Variants in CERS3 observed in about 807,000 individuals in gnomAD.
The protein encoded by CERS3 is ceramide synthase 3, also known as LAG1 homolog, ceramide synthase 3.
In CERS3, 33 loss-of-function variants were observed where a neutral mutation model predicts 50.3. That is an observed-to-expected ratio of 0.66 (90% CI 0.50 to 0.88). CERS3 has a LOEUF of 0.88. Ranked by LOEUF, CERS3 falls within the 40% of genes least tolerant of loss-of-function variation. CERS3 has a pLI of 0.00. For missense variants in CERS3, 470 were observed against 460.3 expected, an observed-to-expected ratio of 1.02 and a Z score of -0.19; for synonymous variants, 176 against 155.2, an observed-to-expected ratio of 1.13 and a Z score of -0.99.
intron 11 of CERS3, among the ~76,000 whole-genome samples, chr15:100,432,056 A>G (rs1461445387): frequency 8.6e-6 from 1 of 116,396 alleles, no homozygotes; most frequent in Non-Finnish European, 1.8e-5. Context: ...GAGTTCCTTT[A>G]ATAGGCCCTC....
chr15:100,541,340 C>T lies in CERS3; in HGVS notation c.-355+3311G>A, dbSNP rs146439403. ...TACAAAAATTAGCCGGGCGTGATGGCGCATGCCTGTAATCCCAGCTACTCC... is the reference window on the plus strand; with the variant it reads ...TACAAAAATTAGCCGGGCGTGATGGTGCATGCCTGTAATCCCAGCTACTCC... On this transcript the variant is annotated intron_variant, in intron 1 of 12. Coordinates refer to the CERS3 transcript ENST00000284382. 2.1e-3 allele frequency among the ~76,000 whole-genome samples: 322 copies of T among 152,210 alleles called. 3 individuals carry two copies. Among genetic ancestry groups the T allele is most frequent in the African/African-American group, 7.3e-3 (305 of 41,540 alleles).
chr15:100,434,999 G>A (rs1351553701), intron 11 of CERS3, among the ~76,000 whole-genome samples: 5 of 152,146 alleles, frequency 3.3e-5, no homozygotes, highest in African/African-American at 1.2e-4. Flanking sequence ...GACATGGTCT[G>A]TGGTTCTGAG....
intron 5 of CERS3, among the ~76,000 whole-genome samples, chr15:100,481,531 G>T (rs1288058508): frequency 3.9e-5 from 6 of 152,234 alleles, no homozygotes; most frequent in Non-Finnish European, 5.9e-5. Context: ...AAAAGTGTGG[G>T]TGCTCCCCCG....
At chr15:100,429,493 C>A (rs1244339771) in intron 11 of CERS3, among the ~76,000 whole-genome samples, 2 of 152,160 alleles carry the variant, frequency 1.3e-5, no homozygotes, top group Non-Finnish European at 2.9e-5. Flanking sequence ...AAGACGCACA[C>A]CCCTGCCTGT....
At chr15:100,502,251 G>GAAAAAAAAAAA (rs58654483) in intron 2 of CERS3, among the ~76,000 whole-genome samples, 31 of 113,688 alleles carry the variant, frequency 2.7e-4, no homozygotes, top group Admixed American at 3.2e-4. Context: ...CTCAAAAAAA[G>GAAAAAAAAAAA]AAAAAAAAAA....
At chr15:100,434,717 ACT>A in intron 11 of CERS3, among the ~76,000 whole-genome samples, 1 of 151,734 alleles carries the variant, frequency 6.6e-6, no homozygotes, top group Middle Eastern at 3.4e-3. Context: ...CATTAATAAA[ACT>A]CTCATATCCT....
chr15:100,437,378 G>C (rs1596658048), intron 11 of CERS3, among the ~76,000 whole-genome samples: 2 of 152,260 alleles, frequency 1.3e-5, no homozygotes, highest in East Asian at 3.9e-4. Flanking sequence ...AGGCTTCTTG[G>C]ATGTTACAGA....
intron 4 of CERS3, among the ~76,000 whole-genome samples, chr15:100,488,384 CT>C (rs776401071): frequency 2.6e-5 from 4 of 151,986 alleles, no homozygotes; most frequent in African/African-American, 9.7e-5. Flanking sequence ...GTTTTGAATA[CT>C]TTTTTTTAGT....
At chr15:100,439,484 A>C (rs917362469) in intron 11 of CERS3, among the ~76,000 whole-genome samples, 2 of 152,246 alleles carry the variant, frequency 1.3e-5, no homozygotes, top group Non-Finnish European at 2.9e-5. Context: ...AATCTCTGTT[A>C]CAAGATTTAA....
At chr15:100,416,726 G>A (rs1175219103) in intron 11 of CERS3, among the ~76,000 whole-genome samples, 1 of 152,126 alleles carries the variant, frequency 6.6e-6, no homozygotes, top group Non-Finnish European at 1.5e-5. Flanking sequence ...CTGCTCCCAT[G>A]GTCCAATCAC....
Position 100,401,030 on chromosome 15 carries a change from T to C in CERS3, c.*1683A>G, listed in dbSNP as rs1451574703. On this transcript the variant is annotated 3_prime_UTR_variant, in exon 12 of 12. Coordinates refer to ENST00000679737, the MANE Select transcript of CERS3 (RefSeq NM_001378789.1). ...AAAGGATTTTTTGTTTATTTTTGTT[T>C]AGCCTTAAGGTTTCAAATGTATATT... The C allele has an allele frequency of 1.3e-5, 2 of 152,202 alleles. No individual in the cohort carries two copies. The highest frequency in any genetic ancestry group is 2.9e-5 in the Non-Finnish European group (2 of 68,042). The allele number at this position is 152,202 out of a possible 1,614,324, so 9.4% of individuals were successfully genotyped here. A position where few individuals can be genotyped will look rare whatever the true frequency, so the allele number is the denominator to read the frequency against.
At chr15:100,491,567 C>T (rs2035652484) in intron 3 of CERS3, among the ~76,000 whole-genome samples, 1 of 152,016 alleles carries the variant, frequency 6.6e-6, no homozygotes, top group Non-Finnish European at 1.5e-5. Flanking sequence ...GTTGATTTTC[C>T]ACTATAATCT....
At chr15:100,506,766 C>T (rs551930622) in intron 2 of CERS3, among the ~76,000 whole-genome samples, 9 of 152,228 alleles carry the variant, frequency 5.9e-5, no homozygotes, top group South Asian at 2.1e-4. Context: ...TGAGGTAAAG[C>T]AGAAGTGGGG....
chr15:100,468,552 A>G (rs1401894788), intron 10 of CERS3, among the ~76,000 whole-genome samples: 1 of 152,156 alleles, frequency 6.6e-6, no homozygotes, highest in Admixed American at 6.5e-5. Context: ...TTGAGTCTCC[A>G]TCCATTTCCC....
intron 2 of CERS3, among the ~76,000 whole-genome samples, chr15:100,521,275 G>A (rs2036632319): frequency 1.3e-5 from 2 of 152,164 alleles, no homozygotes; most frequent in Admixed American, 1.3e-4. Context: ...GAAGGAATGT[G>A]GTTTTGAAAG....
At chr15:100,412,406 G>T (rs757375424) in intron 11 of CERS3, among the ~76,000 whole-genome samples, 2 of 152,078 alleles carry the variant, frequency 1.3e-5, no homozygotes, top group Admixed American at 6.5e-5. Flanking sequence ...CTATACCATG[G>T]TCTTTATGTT....
rs575279393 is a variant in CERS3, at chr15:100,417,240, C to T, written c.1000-14375G>A. Among the ~76,000 whole-genome samples the T allele has an allele frequency of 3.6e-3, 547 of 151,644 alleles. 1 individual carries two copies. The highest frequency in any genetic ancestry group is 6.2e-3 in the Non-Finnish European group (420 of 67,884). ...GTGGGTGCGTGCACCGTGCGTGAGC[C>T]GAAGCAGGGCGAGGCATTGCCTCAC... On this transcript the variant is annotated intron_variant, in intron 11 of 11. Coordinates refer to ENST00000679737, the MANE Select transcript of CERS3 (RefSeq NM_001378789.1).
At chr15:100,502,538 C>T (rs2142332763) in intron 2 of CERS3, among the ~76,000 whole-genome samples, 1 of 152,282 alleles carries the variant, frequency 6.6e-6, no homozygotes, top group Middle Eastern at 3.4e-3. Context: ...AAGTCAATGT[C>T]CTGAAGGCTC....
At chr15:100,455,263 A>C (rs902184821) in intron 11 of CERS3, among the ~76,000 whole-genome samples, 2 of 152,078 alleles carry the variant, frequency 1.3e-5, no homozygotes, top group African/African-American at 2.4e-5. Flanking sequence ...AAAAAAAAAA[A>C]CAATATACCA....
Sources: allele counts gnomAD v4.1 joint callset (sites outside exome capture counted in the v4.1 genomes callset), GRCh38; gene constraint gnomAD v4.1.1; transcripts MANE v1.5; gene names NCBI Gene and HGNC (gene_info 2026-07-23, HGNC 2026-07-21).